Variants in VPS18 observed in about 807,000 individuals in gnomAD.
VPS18 encodes VPS18 core subunit of CORVET and HOPS complexes.
VPS18 carries 25 observed loss-of-function variants against 82.0 expected under a neutral mutation model. That is an observed-to-expected ratio of 0.30 (90% CI 0.22 to 0.43). The LOEUF (loss-of-function observed/expected upper bound fraction) is 0.43, where lower values mean the gene tolerates loss of function less well. Among genes scored for constraint, VPS18 ranks in the 20% least tolerant of loss-of-function variants. The pLI, the probability that VPS18 is intolerant of heterozygous loss-of-function variation, is 1.00. For missense variants in VPS18, 1,168 were observed against 1,311.1 expected, an observed-to-expected ratio of 0.89 and a Z score of 1.69; for synonymous variants, 523 against 543.0, an observed-to-expected ratio of 0.96 and a Z score of 0.51.
Position 40,894,774 on chromosome 15 carries a change from G to C in VPS18, c.6G>C (p.Ala2=), listed in dbSNP as rs764486412. 1.1e-5 allele frequency: 17 copies of C among 1,549,460 alleles called. No individual in the cohort carries two copies. In the Admixed American group the frequency reaches 3.1e-4, roughly 29 times the overall value. Residue 2 remains alanine (A), a synonymous_variant, in exon 1 of 5, where the codon GCG becomes GCC. Transcript: ENST00000220509. The part of the protein sequence containing the change: M[A]SILDEYENSL... Reference sequence around the variant, plus strand: ...GAGCCCAGAGGCCGGGCACCATGGCGTCCATCCTGGATGAGTACGAGAACT... The same window carrying C: ...GAGCCCAGAGGCCGGGCACCATGGCCTCCATCCTGGATGAGTACGAGAACT...
intron 2 of VPS18, chr15:40,898,667 T>A: frequency 1.8e-6 from 1 of 545,158 alleles, no homozygotes; most frequent in Non-Finnish European, 3.3e-6. Context: ...GAGATGGGAT[T>A]TCGCCATGTT....
rs615736 is a variant in VPS18, at chr15:40,899,448, C to G, written c.630C>G (p.Ala210=). 3.1e-6 allele frequency: 5 copies of G among 1,606,058 alleles called. No individual in the cohort carries two copies. The Admixed American group carries it at 6.7e-5, about 22-fold the overall frequency. ...CAGCACCTGTGTGCTCCCTTGAGGC[C>G]GAGCGGGGCCCTGATGGGCGTAGCT... The part of the protein sequence containing the change: ...GGPAPVCSLE[A]ERGPDGRSFV... Residue 210 remains alanine (A), a synonymous_variant, in exon 4 of 5, where the codon GCC becomes GCG. Coordinates refer to ENST00000220509, the MANE Select transcript of VPS18 (RefSeq NM_020857.3). The surrounding 1 kb of genome is among the most constrained non-coding windows in gnomAD (Gnocchi z 4.4).
At position 40,900,209 on chromosome 15, in the gene VPS18, G is replaced by A. The variant is rs776144892; in HGVS notation, c.1391G>A (p.Arg464Gln). 5 of 1,613,632 alleles carry A rather than the reference G, an allele frequency of 3.1e-6. No homozygotes were observed. Among genetic ancestry groups the A allele is most frequent in the East Asian group, 2.2e-5 (1 of 44,886 alleles). ...ATTGCCCTCAAGTTCCTGGAGGCCC[G>A]ACAGGAGGAGGCTCTGGCTGAGTTC... ...EEIALKFLEARQEEALAEFLQ... is the reference protein window; with the variant it reads ...EEIALKFLEAQQEEALAEFLQ... Residue 464 changes from arginine to glutamine, a missense_variant, in exon 4 of 5, where the codon CGA (arginine) becomes CAA (glutamine). Coordinates refer to ENST00000220509, the MANE Select transcript of VPS18 (RefSeq NM_020857.3). The surrounding 1 kb of genome is among the most constrained non-coding windows in gnomAD (Gnocchi z 5.4).
chr15:40,901,092 GC>G, intron 4 of VPS18, 78 bp downstream of exon 4: 1 of 1,478,982 alleles, frequency 6.8e-7, no homozygotes, highest in Non-Finnish European at 9.1e-7. Context: ...GGCTTGGGGG[GC>G]CATGGCTAGA....
In VPS18 at chr15:40,900,950, G is replaced by A. The variant is rs757456048; in HGVS notation, c.2132G>A (p.Arg711His). 117 of 1,612,036 alleles carry A rather than the reference G, an allele frequency of 7.3e-5. No homozygotes were observed. The highest frequency in any genetic ancestry group is 3.5e-4 in the African/African-American group (26 of 74,926). Residue 711 changes from arginine (R) to histidine (H), a missense_variant, in exon 4 of 5, where the codon CGC (arginine) becomes CAC (histidine). Physicochemically the swap from Arg to His is conservative, Grantham distance 29. Transcript: ENST00000220509. The surrounding 1 kb of genome is among the most constrained non-coding windows in gnomAD (Gnocchi z 5.4). Reference sequence around the variant, plus strand: ...CTCTGCGCCGAGCATGGCCACCACCGCGCTTGTGTCCATGTCTACAAGGTC... The same window carrying A: ...CTCTGCGCCGAGCATGGCCACCACCACGCTTGTGTCCATGTCTACAAGGTC... ...LRLCAEHGHH[R>H]ACVHVYKVLE...
At position 40,899,067 on chromosome 15, in the gene VPS18, G is replaced by T; in HGVS notation, c.325+69G>T. On this transcript the variant is annotated intron_variant, in intron 3 of 4. Coordinates refer to ENST00000220509, the MANE Select transcript of VPS18 (RefSeq NM_020857.3). The surrounding 1 kb of genome is among the most constrained non-coding windows in gnomAD (Gnocchi z 4.4). ...ACTGCCTGGGTGGGTGGGCTCTGAGGGTGGTGTGGGGGCCAGGAGGAGGCT... is the reference window on the plus strand; with the variant it reads ...ACTGCCTGGGTGGGTGGGCTCTGAGTGTGGTGTGGGGGCCAGGAGGAGGCT... 6.2e-7 allele frequency: 1 copy of T among 1,606,716 alleles called. No individual in the cohort carries two copies. Among genetic ancestry groups the T allele is most frequent in the East Asian group, 2.2e-5 (1 of 44,734 alleles).
At position 40,903,349 on chromosome 15, in the gene VPS18, T is replaced by A. The variant is rs946106438; in HGVS notation, c.*8T>A. On this transcript the variant is annotated 3_prime_UTR_variant, in exon 5 of 5. Transcript: ENST00000220509. ...CAGCTCAGTTGGCTGTAGGAGGGTG[T>A]CACCTTTGATGGGGGGTGGGCAATG... is the stretch of plus-strand genomic sequence containing the variant. The A allele has an allele frequency of 6.6e-7, 1 of 1,524,262 alleles. No homozygotes were observed. The highest frequency in any genetic ancestry group is 8.8e-7 in the Non-Finnish European group (1 of 1,136,344). The allele number at this position is 1,524,262 out of a possible 1,614,324, so 94.4% of individuals were successfully genotyped here.
At chr15:40,901,385 G>A (rs1892355814) in intron 4 of VPS18, among the ~76,000 whole-genome samples, 1 of 152,034 alleles carries the variant, frequency 6.6e-6, no homozygotes, top group South Asian at 2.1e-4. Flanking sequence ...TCAGGAGTTC[G>A]AGACCAGCCT....
At chr15:40,896,697 G>C (rs1460940136) in intron 2 of VPS18, among the ~76,000 whole-genome samples, 3 of 151,504 alleles carry the variant, frequency 2.0e-5, no homozygotes, top group Non-Finnish European at 4.4e-5. Context: ...TGTAATCTCA[G>C]CTACTGGGGA....
rs200849108 is a variant in VPS18, at chr15:40,898,957, A to G, written c.284A>G (p.Lys95Arg). The G allele has an allele frequency of 1.6e-4, 254 of 1,614,064 alleles. No individual in the cohort carries two copies. Among genetic ancestry groups the G allele is most frequent in the Non-Finnish European group, 2.8e-5 (33 of 1,180,034 alleles). The part of the protein sequence containing the change: ...NEPNHVELGR[K>R]DDAKVHKMFL... ...CCCAACCACGTGGAGCTGGGACGTAAGGATGACGCAAAAGTTCACAAGATG... is the reference window on the plus strand; with the variant it reads ...CCCAACCACGTGGAGCTGGGACGTAGGGATGACGCAAAAGTTCACAAGATG... Residue 95 changes from lysine to arginine, a missense_variant, in exon 3 of 5, where the codon AAG (lysine) becomes AGG (arginine). Lys to Arg is a conservative substitution (Grantham distance 26). This residue lies in a region of VPS18 where 868 missense variants were observed against 939.8 expected (regional missense o/e 0.92). Transcript: ENST00000220509.
rs773082918 is a variant in VPS18 at position 40,896,045 on chromosome 15, C to A, written c.199C>A (p.Leu67Met). ...ITSLVVSSNQLCMSLGKDTLL... is the reference protein window; with the variant it reads ...ITSLVVSSNQMCMSLGKDTLL... ...CAGTCTTGTCGTCTCCAGCAATCAG[C>A]TGTGCATGAGCCTGGGCAAGGATAC... The change falls in exon 2 of 5, where the codon CTG becomes ATG. Residue 67 changes from leucine to methionine, a missense_variant. Leu to Met is a conservative substitution (Grantham distance 15). Coordinates refer to ENST00000220509, the MANE Select transcript of VPS18 (RefSeq NM_020857.3). 6.2e-7 allele frequency: 1 copy of A among 1,614,232 alleles called. No homozygotes were observed. Among genetic ancestry groups the A allele is most frequent in the Non-Finnish European group, 8.5e-7 (1 of 1,180,048 alleles).
At chr15:40,897,456 T>C (rs943567408) in intron 2 of VPS18, among the ~76,000 whole-genome samples, 1 of 152,212 alleles carries the variant, frequency 6.6e-6, no homozygotes, top group Non-Finnish European at 1.5e-5. Context: ...TGAAGGCATT[T>C]TTATAATGAC....
chr15:40,896,089 A>C lies in VPS18; in HGVS notation c.233+10A>C. 6.2e-7 allele frequency: 1 copy of C among 1,614,096 alleles called. No homozygotes were observed. Among genetic ancestry groups the C allele is most frequent in the East Asian group, 2.2e-5 (1 of 44,886 alleles). On this transcript the variant is annotated intron_variant, in intron 2 of 4. Transcript: ENST00000220509. ...AGGATACACTGCTCCGGTAATCAAGAGCTCACAGAGCTTAGGAGTAGGGAC... is the reference window on the plus strand; with the variant it reads ...AGGATACACTGCTCCGGTAATCAAGCGCTCACAGAGCTTAGGAGTAGGGAC...
intron 2 of VPS18, among the ~76,000 whole-genome samples, chr15:40,897,803 A>G (rs1238270122): frequency 6.6e-6 from 1 of 152,212 alleles, no homozygotes; most frequent in Non-Finnish European, 1.5e-5. Flanking sequence ...ATCTCTGCCT[A>G]TCTTCCCAGA....
intron 2 of VPS18, among the ~76,000 whole-genome samples, chr15:40,898,242 C>G (rs1033265415): frequency 6.6e-6 from 1 of 151,010 alleles, no homozygotes. Flanking sequence ...GCGTGAGCCA[C>G]CGCGCCCGGC....
intron 2 of VPS18, 64 bp downstream of exon 2, chr15:40,896,143 A>C (rs913784017): frequency 2.3e-5 from 36 of 1,591,154 alleles, no homozygotes; most frequent in Non-Finnish European, 5.1e-6. Context: ...CTGTTAACTC[A>C]CTGGGCCTTT....
intron 2 of VPS18, among the ~76,000 whole-genome samples, chr15:40,896,703 G>A (rs1892236076): frequency 6.6e-6 from 1 of 151,538 alleles, no homozygotes; most frequent in East Asian, 1.9e-4. Flanking sequence ...CTCAGCTACT[G>A]GGGAGGCTGA....
Position 40,899,186 on chromosome 15 carries a change from A to G in VPS18, c.368A>G (p.Tyr123Cys), listed in dbSNP as rs747208120. ...GCCCTGAGCAGCACGGAGGTCCTCT[A>G]CGTGAACCGAAATGGACAGAAGGTA... ...LIALSSTEVL[Y>C]VNRNGQKVRP... Residue 123 changes from tyrosine to cysteine, a missense_variant, in exon 4 of 5, where the codon TAC becomes TGC. By Grantham distance (194) the Tyr-to-Cys change is radical (BLOSUM62 -2). Around this residue, in one of 3 missense-constraint regions of VPS18, gnomAD observed 868 missense variants for 939.8 expected, o/e 0.92. Coordinates refer to ENST00000220509, the MANE Select transcript of VPS18 (RefSeq NM_020857.3). This position sits in a 1 kb window ranked among gnomAD's most constrained non-coding sequence, Gnocchi z 4.4. 3.1e-6 allele frequency: 5 copies of G among 1,614,142 alleles called. No homozygotes were observed. Among genetic ancestry groups the G allele is most frequent in the Non-Finnish European group, 4.2e-6 (5 of 1,180,034 alleles).
chr15:40,901,586 CAAAAAA>C (rs112024715), intron 4 of VPS18, among the ~76,000 whole-genome samples: 1 of 117,544 alleles, frequency 8.5e-6, no homozygotes, highest in Non-Finnish European at 1.8e-5. Context: ...GACTCCGTCT[CAAAAAA>C]AAAAAAAGAA....
Sources: gnomAD v4.1 joint callset for allele counts (sites outside exome capture counted in the v4.1 genomes callset) on GRCh38, gnomAD v4.1.1 for gene constraint, gnomAD v4.1.1 regional missense constraint, Gnocchi (gnomAD v3.1) non-coding constraint, MANE v1.5 for transcripts, NCBI Gene and HGNC (gene_info 2026-07-23, HGNC 2026-07-21) for gene names.